NCOR2: variants seen among roughly 807,000 people sequenced by gnomAD.
The protein encoded by NCOR2 is nuclear receptor corepressor 2.
In NCOR2, 81 loss-of-function variants were observed where a neutral mutation model predicts 262.9. The observed-to-expected ratio is 0.31, with a 90% CI of 0.26 to 0.37. The LOEUF (loss-of-function observed/expected upper bound fraction) is 0.37. Ranked by LOEUF, NCOR2 falls within the 10% of genes least tolerant of loss-of-function variation. The probability of loss-of-function intolerance (pLI) is 1.00; values close to 1 mark genes in which losing one functional copy is unlikely to be tolerated. For missense variants in NCOR2, 3,385 were observed against 3,621.4 expected (o/e 0.93, Z 1.68); for synonymous variants, 1,659 against 1,559.3 (o/e 1.06, Z -1.51).
At chr12:124,451,776 T>C (rs945540373) in intron 6 of NCOR2, among the ~76,000 whole-genome samples, 24 of 152,052 alleles carry the variant, frequency 1.6e-4, no homozygotes, top group Admixed American at 1.3e-3. Flanking sequence ...GACACACAAG[T>C]CTCTTCCCTG....
chr12:124,433,877 C>CAAACAT (rs397972191), intron 8 of NCOR2, among the ~76,000 whole-genome samples: 1 of 119,296 alleles, frequency 8.4e-6, no homozygotes, highest in Non-Finnish European at 1.7e-5. Flanking sequence ...CACACACACA[C>CAAACAT]ACACACACAC....
At chr12:124,329,482 C>A (rs1322083361) in intron 44 of NCOR2, among the ~76,000 whole-genome samples, 1 of 151,416 alleles carries the variant, frequency 6.6e-6, no homozygotes, top group East Asian at 1.9e-4. Context: ...AACAAACAAA[C>A]ACAAAAAACA....
intron 1 of NCOR2, among the ~76,000 whole-genome samples, chr12:124,487,196 G>A (rs1226988311): frequency 1.3e-5 from 2 of 152,210 alleles, no homozygotes; most frequent in African/African-American, 2.4e-5. Flanking sequence ...GGTAAGTGAT[G>A]CCCACGCGAG....
chr12:124,400,091 G>A (rs2041915594), intron 15 of NCOR2, among the ~76,000 whole-genome samples: 1 of 152,128 alleles, frequency 6.6e-6, no homozygotes, highest in African/African-American at 2.4e-5. Flanking sequence ...CAGATCTTCT[G>A]TTTTAAAAAC....
At chr12:124,565,974 C>A (rs1348279079) in intron 1 of NCOR2, among the ~76,000 whole-genome samples, 1 of 152,124 alleles carries the variant, frequency 6.6e-6, no homozygotes, top group African/African-American at 2.4e-5. Flanking sequence ...CCTCCCGGCG[C>A]AGTCTGGCCC....
Position 124,374,474 on chromosome 12 carries a change from G to T in NCOR2, c.2168-11C>A. On this transcript the variant is annotated splice_polypyrimidine_tract_variant and intron_variant, in intron 18 of 46. Transcript: ENST00000405201. ...CAGAGGCATGTAAGGCTGGAAGGAA[G>T]TCAGAGAAGAGTTAGAAGTGAGGCA... 2 of 1,611,800 alleles carry T rather than the reference G, an allele frequency of 1.2e-6. No homozygotes were observed. Among genetic ancestry groups the T allele is most frequent in the Non-Finnish European group, 1.7e-6 (2 of 1,179,286 alleles).
chr12:124,402,476 T>C, exon 14 of NCOR2: 1 of 1,612,000 alleles, frequency 6.2e-7, no homozygotes, highest in Non-Finnish European at 8.5e-7. Context: ...TTCCTTCTCC[T>C]TCTCATCTTT....
chr12:124,391,643 G>C (rs1475202552), intron 16 of NCOR2, among the ~76,000 whole-genome samples: 1 of 152,112 alleles, frequency 6.6e-6, no homozygotes, highest in African/African-American at 2.4e-5. Flanking sequence ...CATCACACCT[G>C]GACTTGCACC....
At chr12:124,369,360 C>A (rs756648975) in intron 20 of NCOR2, among the ~76,000 whole-genome samples, 4 of 152,158 alleles carry the variant, frequency 2.6e-5, no homozygotes, top group South Asian at 2.1e-4. Flanking sequence ...GGGCGGGGGG[C>A]CAGATGAGAG....
At chr12:124,479,883 G>A (rs1439681238) in intron 3 of NCOR2, among the ~76,000 whole-genome samples, 3 of 152,200 alleles carry the variant, frequency 2.0e-5, no homozygotes, top group Non-Finnish European at 4.4e-5. Flanking sequence ...CGTCCAGCTC[G>A]CTCAGCCTGG....
chr12:124,335,717 G>A, intron 38 of NCOR2, 85 bp from the exon 41 acceptor site: 4 of 1,461,174 alleles, frequency 2.7e-6, no homozygotes, highest in Non-Finnish European at 2.7e-6. Context: ...CAGCTGGCTG[G>A]GACCCCGGGG....
intron 13 of NCOR2, among the ~76,000 whole-genome samples, chr12:124,410,643 T>C: frequency 6.6e-6 from 1 of 152,096 alleles, no homozygotes; most frequent in Non-Finnish European, 1.5e-5. Flanking sequence ...GCCCTCGGCC[T>C]GGGAGCTGAA....
At chr12:124,416,797 GAGACCCCGCAGCACAGAT>G (rs146021900) in intron 13 of NCOR2, among the ~76,000 whole-genome samples, 3,658 of 146,758 alleles carry the variant, frequency 0.025, 143 homozygotes, top group African/African-American at 0.083. Flanking sequence ...GTGGCACAGG[GAGACCCCGCAGCACAGAT>G]AGACCCCGCG....
chr12:124,533,474 C>T (rs2050956731), intron 1 of NCOR2, among the ~76,000 whole-genome samples: 1 of 152,062 alleles, frequency 6.6e-6, no homozygotes, highest in South Asian at 2.1e-4. Context: ...CCCCAGCCCA[C>T]CCACAGGCTC....
intron 22 of NCOR2, among the ~76,000 whole-genome samples, chr12:124,361,734 G>C (rs756704875): frequency 2.4e-4 from 36 of 152,256 alleles, no homozygotes; most frequent in Non-Finnish European, 4.8e-4. Context: ...CACCGAATCA[G>C]AGGCTGGGCT....
chr12:124,372,717 A>C (rs1309530066), intron 19 of NCOR2, 107 bp from the exon 22 acceptor site: 9 of 1,016,356 alleles, frequency 8.9e-6, no homozygotes, highest in Non-Finnish European at 1.3e-5. Context: ...GCCTGATGCC[A>C]AAACAGCCCC....
intron 27 of NCOR2, among the ~76,000 whole-genome samples, chr12:124,351,443 G>A (rs1367777172): frequency 6.6e-6 from 1 of 152,174 alleles, no homozygotes; most frequent in Non-Finnish European, 1.5e-5. Context: ...AGCACTAGAA[G>A]CCAGGAGTAC....
intron 20 of NCOR2, among the ~76,000 whole-genome samples, chr12:124,367,267 C>T (rs2039112424): frequency 6.6e-6 from 1 of 151,992 alleles, no homozygotes; most frequent in African/African-American, 2.4e-5. Context: ...AGCAGGTACC[C>T]TCTGGGGGGC....
chr12:124,366,088 G>A (rs1283175693), intron 20 of NCOR2, among the ~76,000 whole-genome samples: 2 of 152,184 alleles, frequency 1.3e-5, no homozygotes, highest in Non-Finnish European at 2.9e-5. Context: ...CCACTCCTAG[G>A]CACACACCAG....
Sources: gnomAD v4.1 joint callset for allele counts (sites outside exome capture counted in the v4.1 genomes callset) on GRCh38, gnomAD v4.1.1 for gene constraint, MANE v1.5 for transcripts, NCBI Gene and HGNC (gene_info 2026-07-23, HGNC 2026-07-21) for gene names.